Variants in PAX8 observed in about 807,000 individuals in gnomAD.
PAX8 encodes the protein paired box 8.
PAX8 carries 15 observed loss-of-function variants against 52.4 expected under a neutral mutation model. The observed-to-expected ratio is 0.29, with a 90% CI of 0.19 to 0.44. The LOEUF (loss-of-function observed/expected upper bound fraction) is 0.44, where lower values mean the gene tolerates loss of function less well. Ranked by LOEUF, PAX8 falls within the 20% of genes least tolerant of loss-of-function variation. PAX8 has a pLI of 1.00. For synonymous variants in PAX8, 284 were observed against 249.7 expected, an observed-to-expected ratio of 1.14 and a Z score of -1.29; for missense variants, 554 against 602.5, an observed-to-expected ratio of 0.92 and a Z score of 0.84.
chr2:113,274,903 A>G lies in PAX8; in HGVS notation c.25+3467T>C, dbSNP rs565339797. ...TGTATCCATAGGAAAATGAATACCT[A>G]TAAAATGCATCTCAATAAATTAGAG... On this transcript the variant is annotated intron_variant, in intron 2 of 11. Coordinates refer to ENST00000429538, the MANE Select transcript of PAX8 (RefSeq NM_003466.4). The G allele has an allele frequency of 2.6e-5, 4 of 152,362 alleles. No individual in the cohort carries two copies. The South Asian group carries it at 8.3e-4, about 32-fold the overall frequency. 9.4% of individuals were successfully genotyped at this position (152,362 alleles called of 1,614,324 possible).
rs1297302314 is a variant in PAX8 at position 113,241,694 on chromosome 2, A to C, written c.634T>G (p.Ser212Ala). 10 of 1,613,950 alleles carry C rather than the reference A, an allele frequency of 6.2e-6. No individual in the cohort carries two copies. Among genetic ancestry groups the C allele is most frequent in the African/African-American group, 1.3e-5 (1 of 74,888 alleles). ...DQDSCRLSID[S>A]QSSSSGPRKH... ...CGGGGTCCGCTGCTGCTGCTCTGTG[A>C]GTCAATGCTTAGTCGGCAGCTATCC... Residue 212 changes from serine (S) to alanine (A), a missense_variant, in exon 7 of 12, where the codon TCA becomes GCA. Transcript: ENST00000429538.
In PAX8 at chr2:113,242,115, A is replaced by C; in HGVS notation, c.494T>G (p.Val165Gly). 2 of 1,613,370 alleles carry C rather than the reference A, an allele frequency of 1.2e-6. No individual in the cohort carries two copies. The highest frequency in any genetic ancestry group is 1.7e-6 in the Non-Finnish European group (2 of 1,179,588). ...CGACTGGGGTGACTCCGGGGGAGTTACAGCTGAGCTGGGGACTGCAGTGGG... is the reference window on the plus strand; with the variant it reads ...CGACTGGGGTGACTCCGGGGGAGTTCCAGCTGAGCTGGGGACTGCAGTGGG... ...PGHTLIPSSA[V>G]TPPESPQSDS... Residue 165 changes from valine (V) to glycine (G), a missense_variant, in exon 6 of 12, where the codon GTA becomes GGA. This residue lies in a region of PAX8 where 445 missense variants were observed against 409.9 expected (regional missense o/e 1.09). Transcript: ENST00000429538.
intron 8 of PAX8, chr2:113,235,842 A>C: frequency 4.0e-6 from 2 of 499,336 alleles, no homozygotes; most frequent in Non-Finnish European, 7.1e-6. Context: ...CTCCCACAGG[A>C]GGGAGCGCGG....
chr2:113,222,705 T>TC (rs940179325), intron 10 of PAX8, among the ~76,000 whole-genome samples: 2 of 152,060 alleles, frequency 1.3e-5, no homozygotes, highest in Non-Finnish European at 2.9e-5. Context: ...CCTCTTCCTA[T>TC]CCCCACATTC....
At chr2:113,228,803 C>A (rs115610753) in intron 9 of PAX8, among the ~76,000 whole-genome samples, 16 of 152,150 alleles carry the variant, frequency 1.1e-4, no homozygotes, top group African/African-American at 3.1e-4. Flanking sequence ...ACCCATCAGT[C>A]CCCCCCAGGT....
chr2:113,256,457 A>G lies in PAX8; in HGVS notation c.26-9538T>C, dbSNP rs146703166. ...CTGATTCAACTACTGCTGCTGAGGT[A>G]TTGGCTGACAAGAGCCACATACAAC... On this transcript the variant is annotated intron_variant, in intron 2 of 11. Coordinates refer to ENST00000429538, the MANE Select transcript of PAX8 (RefSeq NM_003466.4). 2.7e-3 allele frequency among the ~76,000 whole-genome samples: 414 copies of G among 152,284 alleles called. 7 individuals carry two copies. The highest frequency in any genetic ancestry group is 9.7e-3 in the African/African-American group (403 of 41,566).
intron 9 of PAX8, among the ~76,000 whole-genome samples, chr2:113,233,222 C>T (rs558648657): frequency 6.6e-6 from 1 of 151,688 alleles, no homozygotes; most frequent in African/African-American, 2.4e-5. Context: ...TCTTGAACTC[C>T]AAGTCAACTC....
intron 2 of PAX8, among the ~76,000 whole-genome samples, chr2:113,254,831 G>A (rs530005517): frequency 7.9e-5 from 12 of 152,230 alleles, no homozygotes; most frequent in Non-Finnish European, 1.2e-4. Flanking sequence ...TGGAGTGCCC[G>A]TCCTCACCTT....
At chr2:113,235,759 G>C (rs1690239049) in intron 8 of PAX8, 177 bp from the exon 9 acceptor site, 3 of 586,782 alleles carry the variant, frequency 5.1e-6, no homozygotes, top group East Asian at 5.8e-5. Flanking sequence ...GGCGGGGAGA[G>C]AGAAGCTAGA....
intron 2 of PAX8, among the ~76,000 whole-genome samples, chr2:113,247,266 C>A (rs913602672): frequency 6.6e-6 from 1 of 152,222 alleles, no homozygotes; most frequent in Non-Finnish European, 1.5e-5. Flanking sequence ...TGGGGTCTTC[C>A]CATACCAATA....
intron 2 of PAX8, among the ~76,000 whole-genome samples, chr2:113,277,274 C>T (rs1693885045): frequency 6.6e-6 from 1 of 152,204 alleles, no homozygotes; most frequent in African/African-American, 2.4e-5. Flanking sequence ...CCAGGGGGTT[C>T]CCGCTCCCCT....
intron 10 of PAX8, chr2:113,226,672 A>ATCG: frequency 9.6e-7 from 1 of 1,043,922 alleles, no homozygotes; most frequent in Non-Finnish European, 1.2e-6. Flanking sequence ...CGTCATCGTC[A>ATCG]TCATCATCAT....
chr2:113,235,052 T>A (rs1159807516), intron 9 of PAX8, among the ~76,000 whole-genome samples: 1 of 152,160 alleles, frequency 6.6e-6, no homozygotes, highest in Non-Finnish European at 1.5e-5. Flanking sequence ...GCCAATTCCT[T>A]TTTCCCTCCA....
rs527526956 is a variant in PAX8 at position 113,232,082 on chromosome 2, G to A, written c.1087+3312C>T. Among the ~76,000 whole-genome samples the A allele has an allele frequency of 2.0e-3, 306 of 152,176 alleles. 1 individual carries two copies. The highest frequency in any genetic ancestry group is 6.9e-3 in the African/African-American group (286 of 41,500). On this transcript the variant is annotated intron_variant, in intron 9 of 11. Transcript: ENST00000429538. ...CTTGGGAAGGTCTGCAGCCTCCTGC[G>A]CTCCTGGAACCATTCCCTTCCTAAC...
At chr2:113,248,802 T>C (rs1426036105) in intron 2 of PAX8, among the ~76,000 whole-genome samples, 1 of 146,304 alleles carries the variant, frequency 6.8e-6, no homozygotes, top group African/African-American at 2.5e-5. Flanking sequence ...CTACTAAAAG[T>C]ACAAAAAAAA....
In PAX8 at chr2:113,246,812, A is replaced by G; in HGVS notation, c.133T>C (p.Cys45Arg). 1 of 1,614,198 alleles carries G rather than the reference A, an allele frequency of 6.2e-7. No homozygotes were observed. The change falls in exon 3 of 12, where the codon TGC (cysteine) becomes CGC (arginine). Residue 45 changes from cysteine to arginine, a missense_variant. Coordinates refer to ENST00000429538, the MANE Select transcript of PAX8 (RefSeq NM_003466.4). Reference sequence around the variant, plus strand: ...ACGCGGAGCTGGCGAGAGATGTCGCAGGGCCTTACACCCTGGTGGGCCAGG... The same window carrying G: ...ACGCGGAGCTGGCGAGAGATGTCGCGGGGCCTTACACCCTGGTGGGCCAGG... ...VDLAHQGVRP[C>R]DISRQLRVSH...
intron 9 of PAX8, among the ~76,000 whole-genome samples, chr2:113,234,117 G>C (rs1163514396): frequency 1.3e-5 from 2 of 152,246 alleles, no homozygotes; most frequent in Non-Finnish European, 2.9e-5. Flanking sequence ...ATGCTGAACT[G>C]AGAGCTAGCT....
In PAX8 at chr2:113,236,813, C is replaced by T. The variant is rs1161585093; in HGVS notation, c.778-92G>A. 16 of 1,455,346 alleles carry T rather than the reference C, an allele frequency of 1.1e-5. No homozygotes were observed. The Admixed American group carries it at 2.9e-4, about 26-fold the overall frequency. 90.2% of individuals were successfully genotyped at this position (1,455,346 alleles called of 1,614,324 possible). ...GCCTGTGTCTTAGGACTTGGCAGCC[C>T]TCATCTCCCCAGGAGAGGTCCTCAT... is the stretch of plus-strand genomic sequence containing the variant. On this transcript the variant is annotated intron_variant, in intron 7 of 11. Transcript: ENST00000429538.
In PAX8 at chr2:113,220,085, G is replaced by A; in HGVS notation, c.1276+7C>T. 1 of 1,610,824 alleles carries A rather than the reference G, an allele frequency of 6.2e-7. No individual in the cohort carries two copies. Reference sequence around the variant, plus strand: ...CAGCAGAGGCCTGGGCAGCCCCAGGGACTTACTCAGCAAGCTGGAGTTGGG... The same window carrying A: ...CAGCAGAGGCCTGGGCAGCCCCAGGAACTTACTCAGCAAGCTGGAGTTGGG... On this transcript the variant is annotated splice_region_variant and intron_variant, in intron 11 of 11. Coordinates refer to ENST00000429538, the MANE Select transcript of PAX8 (RefSeq NM_003466.4).
Sources: gnomAD v4.1 joint callset for allele counts (sites outside exome capture counted in the v4.1 genomes callset) on GRCh38, gnomAD v4.1.1 for gene constraint, gnomAD v4.1.1 regional missense constraint, MANE v1.5 for transcripts, NCBI Gene and HGNC (gene_info 2026-07-23, HGNC 2026-07-21) for gene names.